The following ABCC4 variants were observed in gnomAD, a reference collection of about 807,000 sequenced individuals.
ABCC4 encodes the protein ATP-binding cassette sub-family C member 4.
A neutral mutation model predicts 168.5 loss-of-function variants in ABCC4; 102 were observed. The ratio of observed to expected loss-of-function variants is 0.61; its 90% CI spans 0.52 to 0.71. The LOEUF (loss-of-function observed/expected upper bound fraction) is 0.71, where lower values mean the gene tolerates loss of function less well. Among genes scored for constraint, ABCC4 ranks in the 30% least tolerant of loss-of-function variants. The probability of loss-of-function intolerance (pLI) is 0.00; values close to 1 mark genes in which losing one functional copy is unlikely to be tolerated. For synonymous variants in ABCC4, 617 were observed against 590.7 expected, an observed-to-expected ratio of 1.04 and a Z score of -0.65; for missense variants, 1,402 against 1,605.8, an observed-to-expected ratio of 0.87 and a Z score of 2.17.
intron 29 of ABCC4, among the ~76,000 whole-genome samples, chr13:95,040,530 C>T (rs955773489): frequency 1.3e-5 from 2 of 152,198 alleles, no homozygotes; most frequent in Non-Finnish European, 2.9e-5. Flanking sequence ...GCCACCGCGC[C>T]CAGCCCCAGT....
At position 95,043,756 on chromosome 13, in the gene ABCC4, C is replaced by T. The variant is rs1435115731; in HGVS notation, c.3661G>A (p.Glu1221Lys). ...TDELIQKKIR[E>K]KFAHCTVLTI... ...AGCACGGTGCAGTGGGCAAATTTCT[C>T]CCGGATTTTTTTTTGTATTAACTCA... Residue 1221 changes from glutamate to lysine, a missense_variant, in exon 29 of 31, where the codon GAG becomes AAG. Transcript: ENST00000645237. The T allele has an allele frequency of 6.2e-7, 1 of 1,613,732 alleles. No individual in the cohort carries two copies. The highest frequency in any genetic ancestry group is 1.3e-5 in the African/African-American group (1 of 74,942).
At position 95,020,276 on chromosome 13, in the gene ABCC4, T is replaced by G. The variant is rs530447676; in HGVS notation, c.*1299A>C. 2.0e-5 allele frequency: 3 copies of G among 152,358 alleles called. No individual in the cohort carries two copies. In the South Asian group the frequency reaches 6.2e-4, roughly 32 times the overall value. The allele number at this position is 152,358 out of a possible 1,614,324, so 9.4% of individuals were successfully genotyped here. On this transcript the variant is annotated 3_prime_UTR_variant, in exon 31 of 31. Transcript: ENST00000645237. ...ATATGTATACAAACAAATGCACACG[T>G]GTGCATGTCTATATACATATATGCA...
intron 30 of ABCC4, among the ~76,000 whole-genome samples, chr13:95,029,576 G>C (rs1350895212): frequency 6.6e-6 from 1 of 152,030 alleles, no homozygotes; most frequent in Non-Finnish European, 1.5e-5. Flanking sequence ...TTTGAATTTT[G>C]TAACATGAGC....
intron 21 of ABCC4, chr13:95,075,830 C>G: frequency 9.5e-6 from 3 of 317,148 alleles, no homozygotes; most frequent in Non-Finnish European, 1.7e-5. Flanking sequence ...CTTCCTAACT[C>G]AGCCTTCCAG....
chr13:95,203,537 T>A (rs1175801797), intron 8 of ABCC4, among the ~76,000 whole-genome samples: 3 of 152,088 alleles, frequency 2.0e-5, no homozygotes, highest in Non-Finnish European at 4.4e-5. Flanking sequence ...TTTATATTTT[T>A]AGTAGAGACG....
At chr13:95,059,323 G>T (rs1444516788) in intron 26 of ABCC4, among the ~76,000 whole-genome samples, 1 of 152,250 alleles carries the variant, frequency 6.6e-6, no homozygotes, top group Non-Finnish European at 1.5e-5. Flanking sequence ...GACGAAGTGG[G>T]AGATGGCAAG....
chr13:95,178,823 C>T (rs1009051142), intron 11 of ABCC4, among the ~76,000 whole-genome samples: 5 of 152,060 alleles, frequency 3.3e-5, no homozygotes, highest in African/African-American at 7.2e-5. Context: ...CAACAGTAGC[C>T]GGGACCGGAG....
chr13:95,235,424 C>A (rs143005000), intron 3 of ABCC4, among the ~76,000 whole-genome samples: 34 of 152,208 alleles, frequency 2.2e-4, no homozygotes, highest in African/African-American at 7.7e-4. Context: ...CAAATTAAGT[C>A]TTGGCCTAAG....
At chr13:95,287,345 T>C (rs1036526449) in intron 1 of ABCC4, among the ~76,000 whole-genome samples, 1 of 151,296 alleles carries the variant, frequency 6.6e-6, no homozygotes, top group African/African-American at 2.4e-5. Context: ...TCCCAGCACT[T>C]TGGGAGGCTA....
At chr13:95,090,584 A>G (rs558468625) in intron 20 of ABCC4, among the ~76,000 whole-genome samples, 1 of 152,338 alleles carries the variant, frequency 6.6e-6, no homozygotes, top group South Asian at 2.1e-4. Context: ...GGGAGAGAGT[A>G]CTATATCAAG....
chr13:95,242,517 C>T (rs911707169), intron 3 of ABCC4, among the ~76,000 whole-genome samples: 5 of 151,840 alleles, frequency 3.3e-5, no homozygotes, highest in Non-Finnish European at 5.9e-5. Flanking sequence ...TGAGCCACTG[C>T]GCCTGGCCTA....
intron 1 of ABCC4, among the ~76,000 whole-genome samples, chr13:95,296,037 C>T (rs868612162): frequency 1.4e-4 from 21 of 150,682 alleles, no homozygotes; most frequent in African/African-American, 5.1e-4. Flanking sequence ...GGAGGCTGAG[C>T]TGGAAGGATC....
chr13:95,128,344 A>G (rs1371158360), intron 19 of ABCC4, among the ~76,000 whole-genome samples: 1 of 152,228 alleles, frequency 6.6e-6, no homozygotes, highest in Non-Finnish European at 1.5e-5. Context: ...CACAATGGCT[A>G]GGCTAAACTC....
chr13:95,180,417 G>A (rs1422234409), intron 11 of ABCC4, among the ~76,000 whole-genome samples: 1 of 152,106 alleles, frequency 6.6e-6, no homozygotes, highest in East Asian at 1.9e-4. Flanking sequence ...GCCAGGCATG[G>A]GGGTGCATGC....
At chr13:95,161,439 T>C in intron 18 of ABCC4, 104 bp from the exon 19 acceptor site, 3 of 883,824 alleles carry the variant, frequency 3.4e-6, no homozygotes, top group South Asian at 5.3e-5. Context: ...ACTTAATTTA[T>C]TCCATAAAGC....
chr13:95,214,533 C>T (rs555565440), intron 4 of ABCC4, among the ~76,000 whole-genome samples: 4 of 152,180 alleles, frequency 2.6e-5, no homozygotes, highest in Admixed American at 2.6e-4. Flanking sequence ...GAAGCTGACA[C>T]ACCAGAAACA....
intron 8 of ABCC4, among the ~76,000 whole-genome samples, chr13:95,204,449 C>T (rs1250528469): frequency 6.6e-6 from 1 of 152,070 alleles, no homozygotes; most frequent in Admixed American, 6.5e-5. Context: ...GGCAGTTTCC[C>T]CTGTGCTGTT....
At chr13:95,299,401 G>A (rs907905071) in intron 1 of ABCC4, among the ~76,000 whole-genome samples, 2 of 151,808 alleles carry the variant, frequency 1.3e-5, no homozygotes, top group Admixed American at 1.3e-4. Context: ...GAGAAAGGCC[G>A]CCAAACAACC....
At chr13:95,049,762 TTTCCAA>T (rs1272997548) in intron 27 of ABCC4, among the ~76,000 whole-genome samples, 3 of 152,224 alleles carry the variant, frequency 2.0e-5, no homozygotes, top group Non-Finnish European at 2.9e-5. Flanking sequence ...GGTATTACCC[TTTCCAA>T]GGGATCATGG....
Sources: allele counts gnomAD v4.1 joint callset (sites outside exome capture counted in the v4.1 genomes callset), GRCh38; gene constraint gnomAD v4.1.1; transcripts MANE v1.5; gene names NCBI Gene and HGNC (gene_info 2026-07-23, HGNC 2026-07-21).